The following KMT2E variants were observed in gnomAD, a reference collection of about 807,000 sequenced individuals.
KMT2E encodes the protein histone reader KMT2E.
A neutral mutation model predicts 184.6 loss-of-function variants in KMT2E; 30 were observed. The observed-to-expected ratio is 0.16, with a 90% confidence interval of 0.12 to 0.22. KMT2E has a LOEUF of 0.22. Ranked by LOEUF, KMT2E falls within the 10% of genes least tolerant of loss-of-function variation. KMT2E has a pLI of 1.00. For synonymous variants in KMT2E, 815 were observed against 776.5 expected (o/e 1.05, Z -0.82); for missense variants, 2,023 against 2,237.4 (o/e 0.90, Z 1.93).
intron 5 of KMT2E, among the ~76,000 whole-genome samples, chr7:105,064,288 A>G (rs567790464): frequency 1.5e-3 from 216 of 148,276 alleles, no homozygotes; most frequent in Middle Eastern, 7.2e-3. Context: ...TGGGAAGCGC[A>G]GAGTACTTAC....
At chr7:105,030,887 A>T (rs919260805) in intron 1 of KMT2E, among the ~76,000 whole-genome samples, 5 of 152,254 alleles carry the variant, frequency 3.3e-5, no homozygotes, top group Admixed American at 6.5e-5. Flanking sequence ...CAGTATCATC[A>T]GAAAGATTTG....
intron 15 of KMT2E, among the ~76,000 whole-genome samples, chr7:105,100,997 G>C (rs1798631947): frequency 6.6e-6 from 1 of 152,134 alleles, no homozygotes; most frequent in Non-Finnish European, 1.5e-5. Flanking sequence ...TCCTGCTGCA[G>C]TATGCCAATA....
intron 13 of KMT2E, among the ~76,000 whole-genome samples, chr7:105,085,136 A>G (rs1290846115): frequency 1.4e-5 from 2 of 144,064 alleles, no homozygotes; most frequent in African/African-American, 2.8e-5. Flanking sequence ...CAATATATGT[A>G]TTGAAAAAAA....
Position 105,089,760 on chromosome 7 carries a change from A to C in KMT2E, c.1359-249A>C, listed in dbSNP as rs145607846. On this transcript the variant is annotated intron_variant, in intron 13 of 26. Transcript: ENST00000311117. ...TAAGCATTTCAGGTAAGGCATGCTT[A>C]ACCTGTACCAGTTATACTTATGATT... is the stretch of plus-strand genomic sequence containing the variant. Among the ~76,000 whole-genome samples the C allele has an allele frequency of 1.1e-4, 17 of 152,310 alleles. No individual in the cohort carries two copies. In the East Asian group the frequency reaches 3.1e-3, roughly 28 times the overall value.
In KMT2E at chr7:105,113,575, T is replaced by G. The variant is rs1387457284; in HGVS notation, c.*242T>G. 2.3e-6 allele frequency: 1 copy of G among 434,570 alleles called. No individual in the cohort carries two copies. The allele number at this position is 434,570 out of a possible 1,614,324, so 26.9% of individuals were successfully genotyped here. ...TCCAGCTGTTTTTTTCTGGCAGATCTGATGCTGATTTGATGCTGTATGATC... is the reference window on the plus strand; with the variant it reads ...TCCAGCTGTTTTTTTCTGGCAGATCGGATGCTGATTTGATGCTGTATGATC... On this transcript the variant is annotated 3_prime_UTR_variant, in exon 27 of 27. Transcript: ENST00000311117.
Position 105,040,922 on chromosome 7 carries a change from A to G in KMT2E, c.-31A>G, listed in dbSNP as rs1280098949. The G allele has an allele frequency of 1.3e-6, 2 of 1,575,282 alleles. No individual in the cohort carries two copies. The highest frequency in any genetic ancestry group is 1.1e-5 in the South Asian group (1 of 90,030). ...TTTGGATACCAATGCATAGGACTCC[A>G]TAGTAATCGAATTTACCAGAGGCGA... On this transcript the variant is annotated 5_prime_UTR_variant, in exon 3 of 27. Transcript: ENST00000311117.
At position 105,073,670 on chromosome 7, in the gene KMT2E, T is replaced by C; in HGVS notation, c.549T>C (p.Asn183=). The change falls in exon 7 of 27, where the codon AAT becomes AAC. Residue 183 remains asparagine, a synonymous_variant. Coordinates refer to ENST00000311117, the MANE Select transcript of KMT2E (RefSeq NM_182931.3). ...TACTACAACGCCGGAAAAGGGAAAA[T>C]ATGTCAGGTAGGTAAAAAGGACCTA... ...AVLLQRRKRE[N]MSDGDTSATE... is the part of the protein sequence containing the mutation. 3 of 1,597,828 alleles carry C rather than the reference T, an allele frequency of 1.9e-6. No individual in the cohort carries two copies. The highest frequency in any genetic ancestry group is 2.6e-6 in the Non-Finnish European group (3 of 1,165,732).
In KMT2E at chr7:105,112,628, C is replaced by A; in HGVS notation, c.4872C>A (p.Ala1624=). ...NPTIHHQTAA[A]VVPPPPPPPP... The stretch of plus-strand genomic sequence containing the variant: ...CCATTCACCATCAAACTGCTGCTGC[C>A]GTAGTCCCCCCTCCTCCTCCACCAC... Residue 1624 remains alanine, a synonymous_variant, in exon 27 of 27, where the codon GCC becomes GCA. Transcript: ENST00000311117. The A allele has an allele frequency of 6.2e-7, 1 of 1,613,856 alleles. No homozygotes were observed. The highest frequency in any genetic ancestry group is 1.7e-5 in the Admixed American group (1 of 60,000).
chr7:105,097,820 GT>G, intron 15 of KMT2E, among the ~76,000 whole-genome samples: 1 of 152,172 alleles, frequency 6.6e-6, no homozygotes, highest in Non-Finnish European at 1.5e-5. Context: ...AACGTGATAC[GT>G]GCTTGACATA....
chr7:105,065,374 C>A (rs1392075201), intron 5 of KMT2E, among the ~76,000 whole-genome samples: 1 of 152,078 alleles, frequency 6.6e-6, no homozygotes, highest in East Asian at 1.9e-4. Flanking sequence ...TTTTTCACAT[C>A]TTTTTTCCAC....
chr7:105,108,133 T>C (rs1798995062), intron 22 of KMT2E, among the ~76,000 whole-genome samples: 1 of 152,082 alleles, frequency 6.6e-6, no homozygotes, highest in Admixed American at 6.5e-5. Context: ...ATATGGGAAA[T>C]CCTTGTAAGC....
At chr7:105,018,030 T>G (rs1175387767) in intron 1 of KMT2E, among the ~76,000 whole-genome samples, 1 of 152,178 alleles carries the variant, frequency 6.6e-6, no homozygotes, top group East Asian at 1.9e-4. Context: ...AGCTAATTAA[T>G]AGGAGAAAAA....
intron 3 of KMT2E, among the ~76,000 whole-genome samples, chr7:105,059,122 C>G (rs1315663418): frequency 3.9e-5 from 6 of 152,076 alleles, no homozygotes. Context: ...AAGTATAACA[C>G]TTAGAAATGT....
chr7:105,091,778 A>G (rs148239665), intron 15 of KMT2E, among the ~76,000 whole-genome samples: 139 of 152,056 alleles, frequency 9.1e-4, no homozygotes, highest in African/African-American at 3.1e-3. Context: ...CTATCGTACA[A>G]TAAGGTTCTC....
chr7:105,107,077 A>G, intron 20 of KMT2E, 89 bp from the exon 21 acceptor site: 1 of 770,828 alleles, frequency 1.3e-6, no homozygotes, highest in Non-Finnish European at 2.1e-6. Flanking sequence ...AAGTCTGTAT[A>G]TTTTTCATTT....
chr7:105,046,411 A>G (rs758258214), intron 3 of KMT2E, among the ~76,000 whole-genome samples: 3 of 152,124 alleles, frequency 2.0e-5, no homozygotes, highest in Non-Finnish European at 4.4e-5. Context: ...TCCTGTTTGA[A>G]TGGTTTCATG....
At chr7:105,047,016 A>G (rs1383509421) in intron 3 of KMT2E, among the ~76,000 whole-genome samples, 1 of 152,216 alleles carries the variant, frequency 6.6e-6, no homozygotes, top group East Asian at 1.9e-4. Context: ...CAAAGGGAAA[A>G]GGTACATGGG....
Position 105,112,426 on chromosome 7 carries a change from A to T in KMT2E, c.4670A>T (p.Tyr1557Phe). The T allele has an allele frequency of 6.2e-7, 1 of 1,612,838 alleles. No individual in the cohort carries two copies. The highest frequency in any genetic ancestry group is 2.2e-5 in the East Asian group (1 of 44,752). Reference sequence around the variant, plus strand: ...CCTCCACCTCCTTCTTCGTCTTACTATCAAAACCAGCAGCCCTCTGCAAAC... The same window carrying T: ...CCTCCACCTCCTTCTTCGTCTTACTTTCAAAACCAGCAGCCCTCTGCAAAC... ...PPPPPPSSSY[Y>F]QNQQPSANFQ... The change falls in exon 27 of 27, where the codon TAT (tyrosine) becomes TTT (phenylalanine). Residue 1557 changes from tyrosine (Y) to phenylalanine (F), a missense_variant. By Grantham distance (22) the Tyr-to-Phe change is conservative (BLOSUM62 3). Coordinates refer to ENST00000311117, the MANE Select transcript of KMT2E (RefSeq NM_182931.3).
intron 5 of KMT2E, among the ~76,000 whole-genome samples, chr7:105,064,934 C>T (rs1796968692): frequency 6.6e-6 from 1 of 151,978 alleles, no homozygotes; most frequent in Non-Finnish European, 1.5e-5. Flanking sequence ...TAGCAGTGTT[C>T]TTCTTTTGAT....
Sources: gnomAD v4.1 joint callset for allele counts (sites outside exome capture counted in the v4.1 genomes callset) on GRCh38, gnomAD v4.1.1 for gene constraint, MANE v1.5 for transcripts, NCBI Gene and HGNC (gene_info 2026-07-23, HGNC 2026-07-21) for gene names.